The following GPR158 variants were observed in gnomAD, a reference collection of about 807,000 sequenced individuals.
GPR158 encodes the protein G protein-coupled receptor 158.
In GPR158, 30 loss-of-function variants were observed where a neutral mutation model predicts 78.2. The ratio of observed to expected loss-of-function variants is 0.38; its 90% confidence interval spans 0.29 to 0.52. GPR158 has a LOEUF of 0.52. Among genes scored for constraint, GPR158 ranks in the 20% least tolerant of loss-of-function variants. The pLI, the probability that GPR158 is intolerant of heterozygous loss-of-function variation, is 0.83. For synonymous variants in GPR158, 581 were observed against 591.1 expected (o/e 0.98, Z 0.25); for missense variants, 1,463 against 1,523.5 (o/e 0.96, Z 0.66).
intron 2 of GPR158, among the ~76,000 whole-genome samples, chr10:25,381,359 G>A (rs1834152596): frequency 1.3e-5 from 2 of 152,092 alleles, no homozygotes; most frequent in Admixed American, 1.3e-4. Flanking sequence ...GAGATAATGA[G>A]CATAGATAAA....
At chr10:25,550,820 T>C (rs1256001105) in intron 5 of GPR158, among the ~76,000 whole-genome samples, 156 bp from the exon 6 acceptor site, 1 of 152,154 alleles carries the variant, frequency 6.6e-6, no homozygotes, top group African/African-American at 2.4e-5. Context: ...ATTTCTTTGG[T>C]CTGGACAATA....
intron 2 of GPR158, among the ~76,000 whole-genome samples, chr10:25,331,618 GA>G (rs1335384561): frequency 5.3e-5 from 8 of 152,140 alleles, no homozygotes; most frequent in Non-Finnish European, 1.0e-4. Context: ...TTAACCTTAA[GA>G]AAGGCTAACA....
intron 5 of GPR158, among the ~76,000 whole-genome samples, chr10:25,515,193 AT>A (rs1836146881): frequency 6.6e-6 from 1 of 151,738 alleles, no homozygotes; most frequent in African/African-American, 2.4e-5. Flanking sequence ...GGCTTTGTTC[AT>A]TTTTTAAAAA....
intron 2 of GPR158, among the ~76,000 whole-genome samples, chr10:25,347,208 C>A (rs909624266): frequency 1.3e-5 from 2 of 151,900 alleles, no homozygotes; most frequent in African/African-American, 4.8e-5. Flanking sequence ...CTTGTCTGTT[C>A]TAGCTTCTGG....
At chr10:25,387,233 G>A (rs1451748660) in intron 2 of GPR158, among the ~76,000 whole-genome samples, 6 of 152,110 alleles carry the variant, frequency 3.9e-5, no homozygotes, top group African/African-American at 1.2e-4. Context: ...TGAGATGATC[G>A]TTTGGTTTTG....
intron 4 of GPR158, among the ~76,000 whole-genome samples, chr10:25,433,701 T>TTTC (rs1554803681): frequency 6.9e-6 from 1 of 144,282 alleles, no homozygotes; most frequent in Non-Finnish European, 1.5e-5. Context: ...TTTCTTTTTT[T>TTTC]TTTTTTTTTT....
chr10:25,442,865 C>A (rs976210827), intron 4 of GPR158, among the ~76,000 whole-genome samples: 6 of 152,068 alleles, frequency 3.9e-5, no homozygotes, highest in Non-Finnish European at 8.8e-5. Flanking sequence ...CTGCACCCAA[C>A]ATCCTCCTTC....
intron 4 of GPR158, among the ~76,000 whole-genome samples, chr10:25,420,746 G>A (rs1295939843): frequency 6.6e-6 from 1 of 152,122 alleles, no homozygotes; most frequent in Non-Finnish European, 1.5e-5. Flanking sequence ...GAGTTGTCCT[G>A]TCAGCCTTGC....
chr10:25,596,647 C>T lies in GPR158; in HGVS notation c.2003C>T (p.Ser668Leu). The change falls in exon 10 of 11, where the codon TCA (serine) becomes TTA (leucine). Residue 668 changes from serine (S) to leucine (L), a missense_variant. Ser to Leu is a moderately radical substitution (Grantham distance 145). Coordinates refer to ENST00000376351, the MANE Select transcript of GPR158 (RefSeq NM_020752.3). ...TIGLLLIPKF[S>L]HSSNNPRDDI... ...CTCATACTGAATTTGTTTCAGTTTTCACATTCAAGCAATAACCCACGAGAT... is the reference window on the plus strand; with the variant it reads ...CTCATACTGAATTTGTTTCAGTTTTTACATTCAAGCAATAACCCACGAGAT... 1 of 1,612,450 alleles carries T rather than the reference C, an allele frequency of 6.2e-7. No homozygotes were observed. The highest frequency in any genetic ancestry group is 8.5e-7 in the Non-Finnish European group (1 of 1,179,120).
intron 2 of GPR158, among the ~76,000 whole-genome samples, chr10:25,278,992 T>C (rs946148612): frequency 9.9e-5 from 15 of 152,206 alleles, no homozygotes; most frequent in African/African-American, 2.9e-4. Flanking sequence ...TGTGAAATTA[T>C]GAGCTTTAAA....
rs1388122275 is a variant in GPR158, at chr10:25,453,247, G to A, written c.1336-13404G>A. Among the ~76,000 whole-genome samples the A allele has an allele frequency of 7.9e-5, 12 of 152,236 alleles. No homozygotes were observed. In the South Asian group the frequency reaches 2.3e-3, roughly 29 times the overall value. ...TTCCTTTGAATATATATCTGTTAGT[G>A]GGATTACTGGATCATACGATTATTC... On this transcript the variant is annotated intron_variant, in intron 4 of 10. Transcript: ENST00000376351.
chr10:25,529,850 C>T (rs542139066), intron 5 of GPR158, among the ~76,000 whole-genome samples: 12 of 152,294 alleles, frequency 7.9e-5, no homozygotes, highest in African/African-American at 2.9e-4. Context: ...GTTCCAGTGC[C>T]TAGACCTGCC....
At chr10:25,585,845 G>C (rs538261850) in intron 7 of GPR158, among the ~76,000 whole-genome samples, 1 of 152,112 alleles carries the variant, frequency 6.6e-6, no homozygotes, top group African/African-American at 2.4e-5. Flanking sequence ...CAGGCATGGT[G>C]GCTCATGCCT....
chr10:25,274,649 A>T (rs901122277), intron 2 of GPR158, among the ~76,000 whole-genome samples: 11 of 152,330 alleles, frequency 7.2e-5, no homozygotes, highest in African/African-American at 2.4e-4. Flanking sequence ...CTAAAAGCCC[A>T]CTAGTGCAGA....
chr10:25,351,741 C>T (rs34740599), intron 2 of GPR158, among the ~76,000 whole-genome samples: 8,287 of 135,758 alleles, frequency 0.061, 505 homozygotes, highest in African/African-American at 0.17. Flanking sequence ...TTTTTCTTTT[C>T]TCCAACTTCT....
chr10:25,560,138 C>T (rs6482494), intron 6 of GPR158, among the ~76,000 whole-genome samples: 85,772 of 152,104 alleles, frequency 0.56, 26,289 homozygotes, highest in African/African-American at 0.81. Context: ...GCAACTGTTA[C>T]GTACTCACAC....
At chr10:25,507,941 G>C (rs1250607266) in intron 5 of GPR158, among the ~76,000 whole-genome samples, 1 of 152,088 alleles carries the variant, frequency 6.6e-6, no homozygotes, top group Non-Finnish European at 1.5e-5. Flanking sequence ...CTGATGTGCA[G>C]GTTTTTTTTA....
chr10:25,455,667 T>G (rs1192813191), intron 4 of GPR158, among the ~76,000 whole-genome samples: 1 of 152,216 alleles, frequency 6.6e-6, no homozygotes, highest in Non-Finnish European at 1.5e-5. Context: ...TGTGAATTTA[T>G]TATTTGAAAA....
chr10:25,402,385 C>T (rs950985639), intron 3 of GPR158, among the ~76,000 whole-genome samples: 1 of 151,956 alleles, frequency 6.6e-6, no homozygotes, highest in African/African-American at 2.4e-5. Flanking sequence ...GAAAAGTAGC[C>T]GCAAAGGACA....
Sources: gnomAD v4.1 joint callset for allele counts (sites outside exome capture counted in the v4.1 genomes callset) on GRCh38, gnomAD v4.1.1 for gene constraint, MANE v1.5 for transcripts, NCBI Gene and HGNC (gene_info 2026-07-23, HGNC 2026-07-21) for gene names.